The following MMP27 variants were observed in gnomAD, a reference collection of about 807,000 sequenced individuals.
The protein encoded by MMP27 is matrix metallopeptidase 27.
Under a neutral mutation model 48.1 loss-of-function variants are expected in MMP27, and 51 were observed. That is an observed-to-expected ratio of 1.06 (90% CI 0.85 to 1.34). MMP27 has a LOEUF of 1.34. Ranked by LOEUF, MMP27 falls within the 40% of genes most tolerant of loss-of-function variation. The pLI, the probability that MMP27 is intolerant of heterozygous loss-of-function variation, is 0.00. For missense variants in MMP27, 698 were observed against 619.3 expected, an observed-to-expected ratio of 1.13 and a Z score of -1.35; for synonymous variants, 229 against 208.9, an observed-to-expected ratio of 1.10 and a Z score of -0.83.
intron 6 of MMP27, 49 bp from the exon 7 acceptor site, chr11:102,695,146 A>C (rs375249542): frequency 2.3e-5 from 36 of 1,584,838 alleles, no homozygotes; most frequent in Non-Finnish European, 3.1e-5. Flanking sequence ...TTCCATGTCA[A>C]TGAGAATTTT....
At chr11:102,701,997 A>G (rs1860949246) in intron 4 of MMP27, among the ~76,000 whole-genome samples, 1 of 152,244 alleles carries the variant, frequency 6.6e-6, no homozygotes, top group Non-Finnish European at 1.5e-5. Context: ...TGCCAATGAC[A>G]GAACAAAAGA....
chr11:102,704,870 C>T, intron 1 of MMP27, 95 bp from the exon 2 acceptor site: 1 of 710,852 alleles, frequency 1.4e-6, no homozygotes, highest in South Asian at 2.0e-5. Flanking sequence ...AAAATTCCTT[C>T]TGGCAATAGG....
intron 4 of MMP27, among the ~76,000 whole-genome samples, chr11:102,701,622 C>A (rs771796790): frequency 3.2e-4 from 48 of 152,154 alleles, no homozygotes; most frequent in Non-Finnish European, 6.5e-4. Flanking sequence ...GCTTGGGTGA[C>A]AATGTTATCT....
chr11:102,692,814 T>C, intron 9 of MMP27, 124 bp downstream of exon 9: 1 of 681,614 alleles, frequency 1.5e-6, no homozygotes. Flanking sequence ...TAATGTTTAT[T>C]ATTGTATATA....
rs1860970284 is a variant in MMP27, at chr11:102,702,897, T to C, written c.491-16A>G. 14 of 1,612,142 alleles carry C rather than the reference T, an allele frequency of 8.7e-6. No individual in the cohort carries two copies. Among genetic ancestry groups the C allele is most frequent in the Non-Finnish European group, 1.0e-5 (12 of 1,179,416 alleles). On this transcript the variant is annotated splice_polypyrimidine_tract_variant and intron_variant, in intron 3 of 9. Transcript: ENST00000260229. ...CGACCATGGACTGAGATACAATTTA[T>C]GCGAGGAAAAAAGATCAGCTTCCTC...
intron 4 of MMP27, among the ~76,000 whole-genome samples, chr11:102,698,633 A>G (rs1339582965): frequency 6.6e-6 from 1 of 152,168 alleles, no homozygotes; most frequent in Admixed American, 6.5e-5. Context: ...GCCTATTTTC[A>G]GCCTTATATT....
intron 6 of MMP27, 98 bp downstream of exon 6, chr11:102,696,273 C>A: frequency 1.6e-6 from 2 of 1,261,036 alleles, no homozygotes; most frequent in African/African-American, 1.5e-5. Context: ...ATAAAAGGCA[C>A]ACATTTTCAC....
At chr11:102,704,012 T>C (rs1860996962) in intron 2 of MMP27, among the ~76,000 whole-genome samples, 1 of 152,198 alleles carries the variant, frequency 6.6e-6, no homozygotes, top group East Asian at 1.9e-4. Flanking sequence ...ATCAAAGGCA[T>C]ACCTCATCCT....
rs79756836 is a variant in MMP27, at chr11:102,704,624, A to T, written c.254T>A (p.Ile85Asn). The T allele has an allele frequency of 6.2e-7, 1 of 1,614,150 alleles. No individual in the cohort carries two copies. Among genetic ancestry groups the T allele is most frequent in the Admixed American group, 1.7e-5 (1 of 60,018 alleles). The part of the protein sequence containing the change: ...TGKLDSNTLE[I>N]MKTPRCGVPD... ...CACCCCACACCTGGGTGTCTTCATG[A>T]TCTCAAGGGTGTTTGAGTCCAGTTT... Residue 85 changes from isoleucine to asparagine, a missense_variant, in exon 2 of 10, where the codon ATC (isoleucine) becomes AAC (asparagine). By Grantham distance (149) the Ile-to-Asn change is moderately radical. Coordinates refer to ENST00000260229, the MANE Select transcript of MMP27 (RefSeq NM_022122.3).
intron 7 of MMP27, 135 bp downstream of exon 7, chr11:102,694,832 C>T (rs972532406): frequency 3.1e-5 from 29 of 925,246 alleles, no homozygotes; most frequent in Non-Finnish European, 4.0e-5. Context: ...ATATTCTTTA[C>T]GACAGGAACC....
At position 102,705,627 on chromosome 11, in the gene MMP27, T is replaced by C. The variant is rs2846707; in HGVS notation, c.88A>G (p.Met30Val). Residue 30 changes from methionine to valine, a missense_variant, in exon 1 of 10, where the codon ATG becomes GTG. Coordinates refer to ENST00000260229, the MANE Select transcript of MMP27 (RefSeq NM_022122.3). ...TAAGACAGTACCTGAGCCAGTTGCA[T>C]ATTTTCTTCATTTTCCGTCATCCGG... ...LVRMTENEEN[M>V]QLAQAYLNQF... 0.68 allele frequency: 1,059,242 copies of C among 1,564,006 alleles called. 364,507 individuals are homozygous for C. The highest frequency in any genetic ancestry group is 0.92 in the East Asian group (39,780 of 43,170).
At chr11:102,700,322 T>C (rs1273645162) in intron 4 of MMP27, among the ~76,000 whole-genome samples, 1 of 152,246 alleles carries the variant, frequency 6.6e-6, no homozygotes, top group Admixed American at 6.5e-5. Flanking sequence ...TAGACAAATT[T>C]GTGCATTATA....
chr11:102,701,444 G>C (rs1236060655), intron 4 of MMP27, among the ~76,000 whole-genome samples: 1 of 152,208 alleles, frequency 6.6e-6, no homozygotes, highest in Non-Finnish European at 1.5e-5. Context: ...TGAAAGTAAA[G>C]CCTGGCTGAG....
At chr11:102,703,805 T>G (rs1860992640) in intron 2 of MMP27, among the ~76,000 whole-genome samples, 1 of 152,250 alleles carries the variant, frequency 6.6e-6, no homozygotes. Flanking sequence ...ATTACAGGCA[T>G]GAGCCACCAC....
intron 7 of MMP27, among the ~76,000 whole-genome samples, chr11:102,694,729 G>C (rs1034327873): frequency 6.6e-6 from 1 of 152,032 alleles, no homozygotes; most frequent in Non-Finnish European, 1.5e-5. Context: ...CAGAAAAAGA[G>C]ACTTTTTTAG....
intron 4 of MMP27, among the ~76,000 whole-genome samples, chr11:102,697,988 C>G (rs1860862995): frequency 6.6e-6 from 1 of 152,312 alleles, no homozygotes; most frequent in Middle Eastern, 3.4e-3. Context: ...GAGCTGTCAT[C>G]TCCTAGGATA....
At chr11:102,700,540 GA>G (rs1312470562) in intron 4 of MMP27, among the ~76,000 whole-genome samples, 1 of 152,180 alleles carries the variant, frequency 6.6e-6, no homozygotes, top group Non-Finnish European at 1.5e-5. Context: ...CCTCCTAAAA[GA>G]AGAGCATCAT....
At chr11:102,695,460 A>T (rs1860807299) in intron 6 of MMP27, among the ~76,000 whole-genome samples, 1 of 152,228 alleles carries the variant, frequency 6.6e-6, no homozygotes, top group South Asian at 2.1e-4. Context: ...GCTTGCTGGA[A>T]TAAAGAAATG....
chr11:102,691,882 C>A lies in MMP27; in HGVS notation c.1426G>T (p.Asp476Tyr). Residue 476 changes from aspartate to tyrosine, a missense_variant, in exon 10 of 10, where the codon GAT becomes TAT. Asp to Tyr is a radical substitution (Grantham distance 160). Transcript: ENST00000260229. ...KEPKNSSFGF[D>Y]INKEKAHSGG... Reference sequence around the variant, plus strand: ...GAATGTGCTTTTTCCTTGTTGATATCAAAACCAAATGAGGAGTTCTTTGGT... The same window carrying A: ...GAATGTGCTTTTTCCTTGTTGATATAAAAACCAAATGAGGAGTTCTTTGGT... 6.2e-7 allele frequency: 1 copy of A among 1,613,490 alleles called. No individual in the cohort carries two copies.
Sources: allele counts gnomAD v4.1 joint callset (sites outside exome capture counted in the v4.1 genomes callset), GRCh38; gene constraint gnomAD v4.1.1; transcripts MANE v1.5; gene names NCBI Gene and HGNC (gene_info 2026-07-23, HGNC 2026-07-21).